ITGAV: variants seen among roughly 807,000 people sequenced by gnomAD.
The protein encoded by ITGAV is integrin alpha-V.
A neutral mutation model predicts 143.8 loss-of-function variants in ITGAV; 76 were observed. That is an observed-to-expected ratio of 0.53 (90% confidence interval 0.44 to 0.64). The LOEUF (loss-of-function observed/expected upper bound fraction) is 0.64, where lower values mean the gene tolerates loss of function less well. Ranked by LOEUF, ITGAV falls within the 30% of genes least tolerant of loss-of-function variation. The pLI is 0.00. For synonymous variants in ITGAV, 453 were observed against 446.7 expected (o/e 1.01, Z -0.18); for missense variants, 1,193 against 1,274.7 (o/e 0.94, Z 0.98).
Position 186,659,390 on chromosome 2 carries a change from C to T in ITGAV, c.1857+215C>T, listed in dbSNP as rs1366231192. Among the ~76,000 whole-genome samples the T allele has an allele frequency of 2.0e-5, 3 of 151,660 alleles. No individual in the cohort carries two copies. The South Asian group carries it at 6.2e-4, about 32-fold the overall frequency. ...GTCAGAGATATTTAAAGCCACTCAA[C>T]ATGGAGATATACAGAGAAAGACATT... On this transcript the variant is annotated intron_variant, in intron 18 of 29. Coordinates refer to ENST00000261023, the MANE Select transcript of ITGAV (RefSeq NM_002210.5).
At chr2:186,618,590 G>A (rs553052933) in intron 2 of ITGAV, among the ~76,000 whole-genome samples, 6 of 152,276 alleles carry the variant, frequency 3.9e-5, no homozygotes, top group South Asian at 2.1e-4. Flanking sequence ...TTGTGCCACC[G>A]TATACAAATT....
intron 10 of ITGAV, among the ~76,000 whole-genome samples, chr2:186,638,671 T>TGTGTGG (rs57193027): frequency 8.9e-5 from 12 of 135,558 alleles, no homozygotes; most frequent in Admixed American, 2.2e-4. Context: ...TGTGTGTGTG[T>TGTGTGG]AGTATATAAA....
At chr2:186,638,566 C>T (rs573328641) in intron 10 of ITGAV, 101 bp downstream of exon 10, 3 of 809,460 alleles carry the variant, frequency 3.7e-6, no homozygotes, top group African/African-American at 3.5e-5. Context: ...ACTATAATCT[C>T]ATCAAATAGA....
At chr2:186,669,977 A>G (rs1689019023) in intron 26 of ITGAV, 163 bp downstream of exon 26, 1 of 592,422 alleles carries the variant, frequency 1.7e-6, no homozygotes, top group Non-Finnish European at 3.0e-6. Flanking sequence ...AGTCAGATTA[A>G]TGCCATATTT....
At chr2:186,677,067 AT>A in intron 29 of ITGAV, 129 bp from the exon 30 acceptor site, 1 of 1,215,732 alleles carries the variant, frequency 8.2e-7, no homozygotes, top group Non-Finnish European at 1.2e-6. Flanking sequence ...AGCATTACTT[AT>A]TATATGAGGG....
chr2:186,620,579 A>T (rs986956341), intron 2 of ITGAV, among the ~76,000 whole-genome samples: 1 of 151,978 alleles, frequency 6.6e-6, no homozygotes, highest in Non-Finnish European at 1.5e-5. Flanking sequence ...CCTGGACAAC[A>T]TGATGAAACC....
Position 186,664,648 on chromosome 2 carries a change from A to C in ITGAV, c.2073+7A>C. The C allele has an allele frequency of 1.2e-6, 2 of 1,613,954 alleles. No individual in the cohort carries two copies. Among genetic ancestry groups the C allele is most frequent in the Non-Finnish European group, 1.7e-6 (2 of 1,179,838 alleles). On this transcript the variant is annotated splice_region_variant and intron_variant, in intron 20 of 29. Transcript: ENST00000261023. The stretch of plus-strand genomic sequence containing the variant: ...GGTTGTCCGAAACAATGAAGTAAGC[A>C]GGCTGCCTCTTTAAAAATTGAAATG...
chr2:186,644,290 T>C (rs372248615), intron 12 of ITGAV, among the ~76,000 whole-genome samples: 3 of 147,916 alleles, frequency 2.0e-5, no homozygotes, highest in African/African-American at 7.3e-5. Context: ...AGAGAAGTTA[T>C]GCTTATCTTT....
chr2:186,595,841 A>G (rs184644342), intron 1 of ITGAV, among the ~76,000 whole-genome samples: 4 of 152,062 alleles, frequency 2.6e-5, no homozygotes, highest in Non-Finnish European at 4.4e-5. Flanking sequence ...ACTCTTGTCA[A>G]CCTTACCTCA....
chr2:186,600,303 A>G, intron 1 of ITGAV: 1 of 1,396,908 alleles, frequency 7.2e-7, no homozygotes, highest in Non-Finnish European at 9.7e-7. Flanking sequence ...CCTCATCCCC[A>G]CCCCCCACTC....
chr2:186,605,760 T>TCTTATGTATATGTATAATATATTCTTATG (rs1410785519), intron 2 of ITGAV, among the ~76,000 whole-genome samples: 1 of 23,198 alleles, frequency 4.3e-5, no homozygotes, highest in African/African-American at 1.3e-4. Context: ...ATATATATAT[T>TCTTATGTATATGTATAATATATTCTTATG]TATATGTATA....
chr2:186,616,250 GC>G (rs1322794696), intron 2 of ITGAV, among the ~76,000 whole-genome samples: 2 of 150,096 alleles, frequency 1.3e-5, no homozygotes, highest in Non-Finnish European at 3.0e-5. Context: ...AATATTTGCA[GC>G]TCTGAGTCAA....
At chr2:186,661,828 C>T (rs1241539917) in intron 18 of ITGAV, among the ~76,000 whole-genome samples, 1 of 151,998 alleles carries the variant, frequency 6.6e-6, no homozygotes, top group African/African-American at 2.4e-5. Context: ...ATCTCCTGAC[C>T]TCGTGATCCA....
Position 186,675,689 on chromosome 2 carries a change from C to A in ITGAV, c.2792C>A (p.Ser931Ter). Reference sequence around the variant, plus strand: ...AAGAGTGCAATCTTGTACGTAAAGTCATTACTGTGGACTGAGACTTTTATG... The same window carrying A: ...AAGAGTGCAATCTTGTACGTAAAGTAATTACTGTGGACTGAGACTTTTATG... ...RGKSAILYVK[S>*]LLWTETFMNK... Residue 931 changes from serine to a stop codon, truncating the protein, a stop_gained, in exon 27 of 30, where the codon TCA becomes TAA. Transcript: ENST00000261023. LOFTEE classifies it high-confidence loss of function. 1 of 1,613,292 alleles carries A rather than the reference C, an allele frequency of 6.2e-7. No homozygotes were observed. The highest frequency in any genetic ancestry group is 1.1e-5 in the South Asian group (1 of 91,048).
intron 26 of ITGAV, among the ~76,000 whole-genome samples, chr2:186,675,335 T>C (rs1489098077): frequency 6.6e-6 from 1 of 152,232 alleles, no homozygotes; most frequent in Non-Finnish European, 1.5e-5. Flanking sequence ...ATGGATCTTA[T>C]CTTTCTATAA....
intron 11 of ITGAV, 35 bp downstream of exon 11, chr2:186,641,002 C>T: frequency 1.4e-6 from 2 of 1,471,160 alleles, no homozygotes; most frequent in Non-Finnish European, 1.9e-6. Flanking sequence ...AGAAAGTTAT[C>T]TTCTCATGTT....
chr2:186,669,983 T>C, intron 26 of ITGAV, 169 bp downstream of exon 26: 1 of 576,344 alleles, frequency 1.7e-6, no homozygotes, highest in Non-Finnish European at 3.0e-6. Flanking sequence ...ATTAATGCCA[T>C]ATTTTCTTCA....
At chr2:186,593,550 A>G (rs1686670392) in intron 1 of ITGAV, among the ~76,000 whole-genome samples, 1 of 152,146 alleles carries the variant, frequency 6.6e-6, no homozygotes, top group Admixed American at 6.5e-5. Context: ...TTAGAGTCAT[A>G]CTTTTCTTGT....
intron 13 of ITGAV, among the ~76,000 whole-genome samples, chr2:186,648,409 T>A (rs180881020): frequency 8.5e-5 from 13 of 152,346 alleles, no homozygotes; most frequent in Admixed American, 6.5e-4. Context: ...TTTAACTGTA[T>A]AACAGGTGGA....
Sources: gnomAD v4.1 joint callset for allele counts (sites outside exome capture counted in the v4.1 genomes callset) on GRCh38, gnomAD v4.1.1 for gene constraint, MANE v1.5 for transcripts, NCBI Gene and HGNC (gene_info 2026-07-23, HGNC 2026-07-21) for gene names.